FER1L6: variants seen among roughly 807,000 people sequenced by gnomAD.
The protein encoded by FER1L6 is fer-1-like protein 6.
FER1L6 carries 177 observed loss-of-function variants against 219.2 expected under a neutral mutation model. The ratio of observed to expected loss-of-function variants is 0.81; its 90% CI spans 0.71 to 0.91. The LOEUF is 0.91. Among genes scored for constraint, FER1L6 ranks in the 40% least tolerant of loss-of-function variants. FER1L6 has a pLI of 0.00. For synonymous variants in FER1L6, 768 were observed against 824.3 expected (o/e 0.93, Z 1.17); for missense variants, 2,153 against 2,259.9 (o/e 0.95, Z 0.96).
intron 1 of FER1L6, among the ~76,000 whole-genome samples, chr8:123,948,168 T>C (rs1386551554): frequency 6.6e-6 from 1 of 152,220 alleles, no homozygotes; most frequent in Non-Finnish European, 1.5e-5. Context: ...ATATCCATGA[T>C]TGTCCTGTAA....
At chr8:124,005,139 AC>A (rs11342129) in intron 13 of FER1L6, among the ~76,000 whole-genome samples, 4,067 of 152,182 alleles carry the variant, frequency 0.027, 106 homozygotes, top group African/African-American at 0.07. Context: ...GGCCATTGGC[AC>A]CTTCACCTTA....
Position 123,856,282 on chromosome 8 carries a change from A to ATG in FER1L6, c.-8+4107_-8+4108dup, listed in dbSNP as rs202231355. ...TGTATATATGTGTATATGTGTATAT[A>ATG]TGTGTGTGTGTATATATATATATAT... On this transcript the variant is annotated intron_variant, in intron 1 of 40. Coordinates refer to ENST00000522917, the MANE Select transcript of FER1L6 (RefSeq NM_001039112.2). Among the ~76,000 whole-genome samples, 40 of 101,604 alleles carry ATG rather than the reference A, an allele frequency of 3.9e-4. 8 individuals are homozygous for ATG. The highest frequency in any genetic ancestry group is 2.2e-4 in the Non-Finnish European group (11 of 50,376). The allele number at this position is 101,604 out of a possible 152,430, so 66.7% of individuals were successfully genotyped here. A position where few individuals can be genotyped will look rare whatever the true frequency, so the allele number is the denominator to read the frequency against.
intron 1 of FER1L6, among the ~76,000 whole-genome samples, chr8:123,948,800 A>G (rs1392975616): frequency 6.6e-6 from 1 of 151,390 alleles, no homozygotes; most frequent in Non-Finnish European, 1.5e-5. Context: ...TTTAAATATC[A>G]GAGGACATCT....
chr8:124,017,537 T>C, intron 15 of FER1L6, 91 bp from the exon 16 acceptor site: 1 of 934,368 alleles, frequency 1.1e-6, no homozygotes, highest in Non-Finnish European at 1.7e-6. Flanking sequence ...AGCTTTCCAC[T>C]GTATTGCAGA....
rs1463112575 is a variant in FER1L6, at chr8:124,060,609, A to G, written c.3047A>G (p.Gln1016Arg). The G allele has an allele frequency of 6.2e-7, 1 of 1,614,094 alleles. No homozygotes were observed. Among genetic ancestry groups the G allele is most frequent in the East Asian group, 2.2e-5 (1 of 44,876 alleles). The change falls in exon 24 of 41, where the codon CAG (glutamine) becomes CGG (arginine). Residue 1016 changes from glutamine to arginine, a missense_variant. Transcript: ENST00000522917. ...KVQLLSVDRP[Q>R]ALIECGGQGV... ...CAGCTCCTCTCTGTGGATCGGCCTC[A>G]GGCTCTCATTGAGTGCGGAGGACAA...
chr8:124,049,811 G>A, intron 22 of FER1L6, 55 bp downstream of exon 22: 2 of 1,577,340 alleles, frequency 1.3e-6, no homozygotes, highest in Non-Finnish European at 1.7e-6. Context: ...CCAGAGAAGT[G>A]GCCTCACCAC....
chr8:124,108,031 G>C (rs1015671720), intron 39 of FER1L6, among the ~76,000 whole-genome samples: 1 of 152,200 alleles, frequency 6.6e-6, no homozygotes, highest in South Asian at 2.1e-4. Flanking sequence ...TTCCACCCTA[G>C]AACAGCCCCA....
In FER1L6 at chr8:124,060,254, C is replaced by T. The variant is rs774847903; in HGVS notation, c.2949C>T (p.Ala983=). The part of the protein sequence containing the change: ...PDITQIYPVP[A]NIRPVLSKYR... Reference sequence around the variant, plus strand: ...TCACCCAGATCTACCCGGTTCCTGCCAACATTCGGCCGGTGCTGAGCAAAT... The same window carrying T: ...TCACCCAGATCTACCCGGTTCCTGCTAACATTCGGCCGGTGCTGAGCAAAT... Residue 983 remains alanine (A), a synonymous_variant, in exon 23 of 41, where the codon GCC becomes GCT. Coordinates refer to ENST00000522917, the MANE Select transcript of FER1L6 (RefSeq NM_001039112.2). 6.2e-7 allele frequency: 1 copy of T among 1,614,142 alleles called. No homozygotes were observed. Among genetic ancestry groups the T allele is most frequent in the Non-Finnish European group, 8.5e-7 (1 of 1,180,022 alleles).
At chr8:123,864,141 G>T (rs1469218241) in intron 1 of FER1L6, among the ~76,000 whole-genome samples, 15 of 149,530 alleles carry the variant, frequency 1.0e-4, no homozygotes, top group East Asian at 9.7e-4. Flanking sequence ...TCCATGTTTA[G>T]CGCTTCCTTC....
chr8:123,889,967 A>G (rs946872165), intron 1 of FER1L6, among the ~76,000 whole-genome samples: 16 of 152,144 alleles, frequency 1.1e-4, no homozygotes, highest in Non-Finnish European at 8.8e-5. Context: ...AAAAGTTTAG[A>G]TAGTAAAATA....
chr8:123,910,885 G>C (rs745921268), intron 1 of FER1L6, among the ~76,000 whole-genome samples: 21 of 152,194 alleles, frequency 1.4e-4, no homozygotes, highest in Non-Finnish European at 2.5e-4. Flanking sequence ...GCATGAAATT[G>C]ATGGTCAGGT....
At position 123,969,219 on chromosome 8, in the gene FER1L6, A is replaced by G. The variant is rs116259058; in HGVS notation, c.385-816A>G. ...TTCAGTCTTATCTGTAAAACATGGG[A>G]CTGGTCTAGATAATTTCTCCAACTC... is the stretch of plus-strand genomic sequence containing the variant. On this transcript the variant is annotated intron_variant, in intron 5 of 40. Transcript: ENST00000522917. 3.7e-3 allele frequency among the ~76,000 whole-genome samples: 562 copies of G among 152,248 alleles called. 4 individuals are homozygous for G. The highest frequency in any genetic ancestry group is 0.013 in the African/African-American group (535 of 41,546).
intron 1 of FER1L6, among the ~76,000 whole-genome samples, chr8:123,925,315 G>C (rs941834288): frequency 6.6e-6 from 1 of 152,218 alleles, no homozygotes; most frequent in African/African-American, 2.4e-5. Flanking sequence ...TGAGGCCCAG[G>C]ATGGTTTGCT....
intron 1 of FER1L6, among the ~76,000 whole-genome samples, chr8:123,947,256 A>T (rs1814542325): frequency 6.6e-6 from 1 of 151,686 alleles, no homozygotes; most frequent in African/African-American, 2.4e-5. Context: ...AAAAAAAAAA[A>T]GGTATGATGA....
intron 1 of FER1L6, among the ~76,000 whole-genome samples, chr8:123,904,239 T>TGTGTGTGTG (rs1344037991): frequency 6.6e-6 from 1 of 150,714 alleles, no homozygotes; most frequent in African/African-American, 2.4e-5. Context: ...TGTGTGTGTG[T>TGTGTGTGTG]GTGTGTGTGT....
At chr8:124,001,262 C>T (rs1817398424) in intron 12 of FER1L6, among the ~76,000 whole-genome samples, 1 of 152,192 alleles carries the variant, frequency 6.6e-6, no homozygotes, top group South Asian at 2.1e-4. Context: ...TACTATAATA[C>T]CTTCCTTTTG....
In FER1L6 at chr8:123,973,381, G is replaced by T. The variant is rs1181331306; in HGVS notation, c.448-53G>T. 7.8e-6 allele frequency: 11 copies of T among 1,418,886 alleles called. No individual in the cohort carries two copies. In the East Asian group the frequency reaches 1.8e-4, roughly 23 times the overall value. 87.9% of individuals were successfully genotyped at this position (1,418,886 alleles called of 1,614,324 possible). On this transcript the variant is annotated intron_variant, in intron 6 of 40. Transcript: ENST00000522917. ...GGGTCAAAGCTAGACAAGGGTCAAG[G>T]CCTCTTATCCTCAAGGTAAATCTGC...
intron 1 of FER1L6, among the ~76,000 whole-genome samples, chr8:123,917,222 G>C (rs1343668122): frequency 1.3e-5 from 2 of 152,204 alleles, no homozygotes; most frequent in Admixed American, 1.3e-4. Context: ...GTGCCAAACA[G>C]GAAGTGTTGA....
Position 123,980,625 on chromosome 8 carries a change from A to G in FER1L6, c.1224A>G (p.Gly408=), listed in dbSNP as rs1322529498. Residue 408 remains glycine (G), a synonymous_variant, in exon 11 of 41, where the codon GGA becomes GGG. Transcript: ENST00000522917. The stretch of plus-strand genomic sequence containing the variant: ...AAATTGCTGTGGAAATCCTCTCAGG[A>G]CGGGCACAGGAATCTAAATTTTCCA... ...LVEIAVEILS[G]RAQESKFSKA... 6.2e-7 allele frequency: 1 copy of G among 1,614,046 alleles called. No homozygotes were observed. Among genetic ancestry groups the G allele is most frequent in the Non-Finnish European group, 8.5e-7 (1 of 1,180,030 alleles).
Sources: gnomAD v4.1 joint callset for allele counts (sites outside exome capture counted in the v4.1 genomes callset) on GRCh38, gnomAD v4.1.1 for gene constraint, MANE v1.5 for transcripts, NCBI Gene and HGNC (gene_info 2026-07-23, HGNC 2026-07-21) for gene names.